Variants in HIP1R observed in about 807,000 individuals in gnomAD.
The protein encoded by HIP1R is huntingtin interacting protein 1 related.
HIP1R carries 135 observed loss-of-function variants against 144.2 expected under a neutral mutation model. That is an observed-to-expected ratio of 0.94 (90% CI 0.81 to 1.08). The LOEUF is 1.08. Ranked by LOEUF, HIP1R falls within the 50% of genes least tolerant of loss-of-function variation. The pLI is 0.00. For missense variants in HIP1R, 1,462 were observed against 1,432.8 expected, an observed-to-expected ratio of 1.02 and a Z score of -0.33; for synonymous variants, 698 against 612.8, an observed-to-expected ratio of 1.14 and a Z score of -2.05.
chr12:122,858,998 C>T (rs1427888254), intron 21 of HIP1R, 53 bp downstream of exon 21: 19 of 1,605,420 alleles, frequency 1.2e-5, no homozygotes, highest in Non-Finnish European at 1.5e-5. Flanking sequence ...CTTGTCTCCC[C>T]TGGGGGTCCT....
intron 22 of HIP1R, 61 bp downstream of exon 22, chr12:122,859,258 C>T (rs2033689392): frequency 1.3e-6 from 2 of 1,534,378 alleles, no homozygotes; most frequent in East Asian, 4.8e-5. Flanking sequence ...TCTGCACCCA[C>T]CTCTGGGTTG....
intron 5 of HIP1R, 137 bp downstream of exon 5, chr12:122,850,092 A>G (rs1190656682): frequency 6.9e-6 from 5 of 723,210 alleles, no homozygotes; most frequent in South Asian, 5.9e-5. Flanking sequence ...TGTCCCAACT[A>G]TGACTAAAGG....
At chr12:122,839,308 C>G (rs1220978785) in intron 1 of HIP1R, among the ~76,000 whole-genome samples, 1 of 152,198 alleles carries the variant, frequency 6.6e-6, no homozygotes, top group Non-Finnish European at 1.5e-5. Context: ...GAGATCAAGC[C>G]CAGAAGATTC....
intron 20 of HIP1R, 44 bp from the exon 21 acceptor site, chr12:122,858,794 T>G (rs758677698): frequency 2.2e-6 from 3 of 1,353,642 alleles, no homozygotes; most frequent in East Asian, 4.6e-5. Context: ...TGCTAGTGTC[T>G]CAGTGTCATC....
rs544799874 is a variant in HIP1R at position 122,860,748 on chromosome 12, C to G, written c.2730C>G (p.Ile910Met). The change falls in exon 28 of 32, where the codon ATC becomes ATG. Residue 910 changes from isoleucine (I) to methionine (M), a missense_variant. By Grantham distance (10) the Ile-to-Met change is conservative. Transcript: ENST00000253083. ...AGCTCATCGTCTGCTCCCACGAGAT[C>G]GCAGCCAGCACGGCCCAGCTGGTGG... ...YEELIVCSHEIAASTAQLVAA... is the reference protein window; with the variant it reads ...YEELIVCSHEMAASTAQLVAA... 6.2e-7 allele frequency: 1 copy of G among 1,613,108 alleles called. No individual in the cohort carries two copies. The highest frequency in any genetic ancestry group is 1.3e-5 in the African/African-American group (1 of 74,918).
rs76040127 is a variant in HIP1R at position 122,855,908 on chromosome 12, G to C, written c.1128+5G>C. On this transcript the variant is annotated splice_donor_5th_base_variant and intron_variant, in intron 13 of 31. Coordinates refer to ENST00000253083, the MANE Select transcript of HIP1R (RefSeq NM_003959.3). The stretch of plus-strand genomic sequence containing the variant: ...CTGGAGAAGATCAAGCTGGAGGTGC[G>C]GGGTGGGGATGGGTGGGGGCCAGGG... 1.6e-5 allele frequency: 22 copies of C among 1,370,826 alleles called. No homozygotes were observed. Among genetic ancestry groups the C allele is most frequent in the Middle Eastern group, 3.9e-4 (2 of 5,162 alleles). 84.9% of individuals were successfully genotyped at this position (1,370,826 alleles called of 1,614,324 possible).
At chr12:122,855,472 G>A (rs968052903) in intron 11 of HIP1R, 67 bp downstream of exon 11, 40 of 1,546,932 alleles carry the variant, frequency 2.6e-5, no homozygotes, top group South Asian at 1.4e-4. Context: ...CGGGAGTGTC[G>A]GGTGGCCAGC....
intron 7 of HIP1R, among the ~76,000 whole-genome samples, chr12:122,853,123 C>A (rs547438447): frequency 1.1e-3 from 162 of 152,278 alleles, no homozygotes; most frequent in African/African-American, 3.8e-3. Context: ...CTTTGTCATT[C>A]TCTCTGCCCC....
rs760395051 is a variant in HIP1R at position 122,860,403 on chromosome 12, T to C, written c.2560-20T>C. The C allele has an allele frequency of 1.9e-6, 3 of 1,612,414 alleles. No homozygotes were observed. The highest frequency in any genetic ancestry group is 2.5e-6 in the Non-Finnish European group (3 of 1,179,208). Reference sequence around the variant, plus strand: ...TGTCCTTGACTGGCATGTCCTGCCCTGTTCTCCCGTCGCCACTAGGGGGCA... The same window carrying C: ...TGTCCTTGACTGGCATGTCCTGCCCCGTTCTCCCGTCGCCACTAGGGGGCA... On this transcript the variant is annotated intron_variant, in intron 26 of 31. Coordinates refer to ENST00000253083, the MANE Select transcript of HIP1R (RefSeq NM_003959.3).
At chr12:122,841,633 C>T (rs987282530) in intron 1 of HIP1R, among the ~76,000 whole-genome samples, 4 of 152,192 alleles carry the variant, frequency 2.6e-5, no homozygotes, top group Admixed American at 6.5e-5. Flanking sequence ...CCTCAAACTG[C>T]AGTAGGTTCA....
chr12:122,860,047 G>T lies in HIP1R; in HGVS notation c.2466G>T (p.Arg822Ser). 1.9e-6 allele frequency: 3 copies of T among 1,556,474 alleles called. No homozygotes were observed. The highest frequency in any genetic ancestry group is 2.6e-6 in the Non-Finnish European group (3 of 1,152,258). Residue 822 changes from arginine (R) to serine (S), a missense_variant and splice_region_variant, in exon 25 of 32, where the codon AGG (arginine) becomes AGT (serine). Physicochemically the swap from Arg to Ser is moderately radical, Grantham distance 110. Transcript: ENST00000253083. ...SSGVKLEVNERILNSCTDLMK... is the reference protein window; with the variant it reads ...SSGVKLEVNESILNSCTDLMK... ...CTAAGTCTCTCCTTCTCTCCCCCAG[G>T]ATCCTCAACTCCTGCACAGACCTGA... is the stretch of plus-strand genomic sequence containing the variant.
In HIP1R at chr12:122,855,531, A is replaced by C. The variant is rs1416371120; in HGVS notation, c.994-20A>C. 1.3e-6 allele frequency: 2 copies of C among 1,549,320 alleles called. No homozygotes were observed. Among genetic ancestry groups the C allele is most frequent in the African/African-American group, 2.7e-5 (2 of 72,978 alleles). On this transcript the variant is annotated intron_variant, in intron 11 of 31. Transcript: ENST00000253083. ...CTGGAGGGCACAGGTGAGTGGGGTC[A>C]CCATGCTTTGCTGTGGCAGGTGGTG... is the stretch of plus-strand genomic sequence containing the variant.
chr12:122,850,165 G>C (rs2033332533), intron 5 of HIP1R: 2 of 681,422 alleles, frequency 2.9e-6, no homozygotes, highest in East Asian at 2.8e-5. Flanking sequence ...CCGTGGACGT[G>C]GGCACGGGCT....
At position 122,859,551 on chromosome 12, in the gene HIP1R, TG is replaced by T; in HGVS notation, c.2406+19del. The T allele has an allele frequency of 6.3e-7, 1 of 1,590,894 alleles. No homozygotes were observed. Among genetic ancestry groups the T allele is most frequent in the Non-Finnish European group, 8.6e-7 (1 of 1,160,132 alleles). ...GGAGGATTGAGGTGAGCACGGGATC[TG>T]GGGACTCCCCTCATTCCTGTGGAGC... On this transcript the variant is annotated intron_variant, in intron 23 of 31. Coordinates refer to ENST00000253083, the MANE Select transcript of HIP1R (RefSeq NM_003959.3).
intron 1 of HIP1R, among the ~76,000 whole-genome samples, chr12:122,837,667 G>A (rs542861290): frequency 6.6e-6 from 1 of 152,360 alleles, no homozygotes; most frequent in Non-Finnish European, 1.5e-5. Flanking sequence ...GGCTAAGAGG[G>A]CCACTAACAA....
At chr12:122,856,888 G>A (rs182269460) in intron 17 of HIP1R, 133 bp from the exon 18 acceptor site, 126 of 1,061,952 alleles carry the variant, frequency 1.2e-4, no homozygotes, top group African/African-American at 4.7e-4. Flanking sequence ...AGGACCTACC[G>A]CTGGTCCTCA....
At position 122,859,426 on chromosome 12, in the gene HIP1R, G is replaced by T. The variant is rs756359180; in HGVS notation, c.2296G>T (p.Glu766Ter). The T allele has an allele frequency of 5.0e-6, 8 of 1,612,712 alleles. No individual in the cohort carries two copies. The South Asian group carries it at 8.8e-5, about 18-fold the overall frequency. ...PLQGILQLGQ[E>*]LKPKSLDVRQ... is the part of the protein sequence containing the mutation. ...CCTGTCTGACTCCCATCCTCACCAG[G>T]AACTGAAACCCAAGAGCCTAGATGT... Residue 766 changes from glutamate to a stop codon, truncating the protein, a stop_gained and splice_region_variant, in exon 23 of 32, where the codon GAA (glutamate) becomes TAA (stop). Coordinates refer to ENST00000253083, the MANE Select transcript of HIP1R (RefSeq NM_003959.3). LOFTEE classifies it high-confidence loss of function.
At chr12:122,842,702 C>T (rs754283683) in intron 1 of HIP1R, among the ~76,000 whole-genome samples, 2 of 152,184 alleles carry the variant, frequency 1.3e-5, no homozygotes, top group African/African-American at 2.4e-5. Flanking sequence ...CCCATTCCTG[C>T]GGTCTGTTTC....
Position 122,856,099 on chromosome 12 carries a change from G to GGCCCAGCTGAGGGCT in HIP1R, c.1258_1272dup (p.Arg420_Leu424dup), listed in dbSNP as rs544081892. ...ATAATGAGCAGCTCCGCCACGAGCT[G>GGCCCAGCTGAGGGCT]GCCCAGCTGAGGGCTGCCCAGCTGG... On this transcript the variant is annotated inframe_insertion, in exon 14 of 32. Coordinates refer to ENST00000253083, the MANE Select transcript of HIP1R (RefSeq NM_003959.3). 3.8e-6 allele frequency: 6 copies of GGCCCAGCTGAGGGCT among 1,587,020 alleles called. No homozygotes were observed. The highest frequency in any genetic ancestry group is 2.7e-5 in the African/African-American group (2 of 74,514).
Sources: allele counts gnomAD v4.1 joint callset (sites outside exome capture counted in the v4.1 genomes callset), GRCh38; gene constraint gnomAD v4.1.1; transcripts MANE v1.5; gene names NCBI Gene and HGNC (gene_info 2026-07-23, HGNC 2026-07-21).